The following GPC6 variants were observed in gnomAD, a reference collection of about 807,000 sequenced individuals.
GPC6 encodes glypican-6.
GPC6 carries 14 observed loss-of-function variants against 55.2 expected under a neutral mutation model. That is an observed-to-expected ratio of 0.25 (90% confidence interval 0.17 to 0.40). GPC6 has a LOEUF of 0.40. GPC6 is among the 10% of genes least tolerant of loss of function. The pLI is 1.00. For missense variants in GPC6, 641 were observed against 708.5 expected, an observed-to-expected ratio of 0.90 and a Z score of 1.08; for synonymous variants, 278 against 259.6, an observed-to-expected ratio of 1.07 and a Z score of -0.68.
intron 5 of GPC6, 74 bp downstream of exon 5, chr13:94,286,553 AG>A: frequency 7.4e-7 from 1 of 1,346,630 alleles, no homozygotes; most frequent in Non-Finnish European, 1.1e-6. Flanking sequence ...CGAAGTAACT[AG>A]ATATGTCGGC....
intron 1 of GPC6, among the ~76,000 whole-genome samples, chr13:93,320,660 C>CT (rs1248923665): frequency 5.9e-5 from 9 of 151,846 alleles, no homozygotes; most frequent in African/African-American, 1.9e-4. Flanking sequence ...CACACACACT[C>CT]TATTATGATA....
chr13:94,272,089 T>C (rs1370166077), intron 4 of GPC6, among the ~76,000 whole-genome samples: 3 of 152,080 alleles, frequency 2.0e-5, no homozygotes, highest in Non-Finnish European at 4.4e-5. Context: ...ATAAAATATA[T>C]ATATCTTTTC....
At chr13:93,999,147 A>C (rs1185038889) in intron 3 of GPC6, among the ~76,000 whole-genome samples, 1 of 152,070 alleles carries the variant, frequency 6.6e-6, no homozygotes, top group African/African-American at 2.4e-5. Context: ...CGTCACCTAC[A>C]TTAGGTATTT....
chr13:93,269,770 CAA>C (rs55928643), intron 1 of GPC6, among the ~76,000 whole-genome samples: 52,803 of 114,420 alleles, frequency 0.46, 11,401 homozygotes, highest in East Asian at 0.59. Flanking sequence ...CTAAAAATAC[CAA>C]AAAAAAAAAA....
At chr13:93,942,407 A>G (rs576899712) in intron 3 of GPC6, among the ~76,000 whole-genome samples, 1 of 152,068 alleles carries the variant, frequency 6.6e-6, no homozygotes, top group African/African-American at 2.4e-5. Context: ...GCAGACTCGA[A>G]CTCCCAGGCT....
intron 3 of GPC6, among the ~76,000 whole-genome samples, chr13:93,855,033 A>G (rs979797010): frequency 6.6e-6 from 1 of 151,604 alleles, no homozygotes; most frequent in Non-Finnish European, 1.5e-5. Flanking sequence ...TTGACACATC[A>G]TTATCAAAAA....
intron 1 of GPC6, among the ~76,000 whole-genome samples, chr13:93,529,900 G>T (rs1462906335): frequency 1.3e-5 from 2 of 152,136 alleles, no homozygotes; most frequent in Non-Finnish European, 2.9e-5. Flanking sequence ...GTGTGTTATT[G>T]AGTGGAAATT....
chr13:93,280,414 G>A (rs1348760382), intron 1 of GPC6, among the ~76,000 whole-genome samples: 1 of 152,182 alleles, frequency 6.6e-6, no homozygotes, highest in Non-Finnish European at 1.5e-5. Context: ...CTACAAAGAT[G>A]CAAACTAAGC....
intron 3 of GPC6, among the ~76,000 whole-genome samples, chr13:94,007,279 A>G (rs1474474093): frequency 6.6e-6 from 1 of 152,184 alleles, no homozygotes; most frequent in Non-Finnish European, 1.5e-5. Context: ...TTCAACACAT[A>G]TTTATTTATC....
intron 3 of GPC6, among the ~76,000 whole-genome samples, chr13:93,888,265 A>C (rs1326199186): frequency 6.6e-6 from 1 of 152,112 alleles, no homozygotes; most frequent in Admixed American, 6.6e-5. Context: ...AATTAGCGCA[A>C]ATTTATGAAG....
At chr13:94,062,489 G>A (rs1182905165) in intron 4 of GPC6, among the ~76,000 whole-genome samples, 5 of 151,888 alleles carry the variant, frequency 3.3e-5, no homozygotes, top group East Asian at 3.9e-4. Context: ...GACCTTGAGT[G>A]ATCCACCCGC....
At chr13:94,244,270 C>T (rs1229245317) in intron 4 of GPC6, among the ~76,000 whole-genome samples, 1 of 152,116 alleles carries the variant, frequency 6.6e-6, no homozygotes, top group African/African-American at 2.4e-5. Context: ...CTCCGCAAAG[C>T]TTAATTATGT....
chr13:94,165,011 A>G (rs1888305141), intron 4 of GPC6, among the ~76,000 whole-genome samples: 1 of 151,994 alleles, frequency 6.6e-6, no homozygotes, highest in South Asian at 2.1e-4. Flanking sequence ...AACTAAAAGT[A>G]GAACTACCAT....
chr13:93,340,114 C>A (rs1032106763), intron 1 of GPC6, among the ~76,000 whole-genome samples: 1 of 136,586 alleles, frequency 7.3e-6, no homozygotes, highest in African/African-American at 2.7e-5. Flanking sequence ...CGGCTCACTG[C>A]AAGCTCCGCT....
At position 94,010,218 on chromosome 13, in the gene GPC6, A is replaced by G. The variant is rs146788737; in HGVS notation, c.712-17511A>G. 2.4e-3 allele frequency among the ~76,000 whole-genome samples: 366 copies of G among 152,308 alleles called. 3 individuals are homozygous for G. The highest frequency in any genetic ancestry group is 8.3e-3 in the African/African-American group (347 of 41,576). ...AAAAGTAAATGCCAATAAAAATTAG[A>G]AAGTCCTCATAAAACTTCCTTCAAA... is the stretch of plus-strand genomic sequence containing the variant. On this transcript the variant is annotated intron_variant, in intron 3 of 8. Coordinates refer to ENST00000377047, the MANE Select transcript of GPC6 (RefSeq NM_005708.5).
intron 2 of GPC6, among the ~76,000 whole-genome samples, chr13:93,798,939 G>GAAAAA (rs1594467196): frequency 8.4e-6 from 1 of 119,536 alleles, no homozygotes; most frequent in East Asian, 2.3e-4. Context: ...AAAAAAAAAT[G>GAAAAA]GTGACAACAA....
chr13:93,340,031 T>C lies in GPC6; in HGVS notation c.160+112415T>C, dbSNP rs1347443416. ...CAAAAACAAAAGTTTTCTTTCTTTT[T>C]TTTTTTTTTTTTTTTTTTTTTTGAG... is the stretch of plus-strand genomic sequence containing the variant. On this transcript the variant is annotated intron_variant, in intron 1 of 8. Transcript: ENST00000377047. Among the ~76,000 whole-genome samples, 59 of 90,022 alleles carry C rather than the reference T, an allele frequency of 6.6e-4. No individual in the cohort carries two copies. The East Asian group carries it at 0.021, about 32-fold the overall frequency. The allele number at this position is 90,022 out of a possible 152,430, so 59.1% of individuals were successfully genotyped here.
chr13:93,485,230 G>C (rs1382781549), intron 1 of GPC6, among the ~76,000 whole-genome samples: 5 of 152,142 alleles, frequency 3.3e-5, no homozygotes, highest in Non-Finnish European at 7.4e-5. Context: ...GCACAAAGGG[G>C]AGTCCCACAG....
At chr13:93,429,628 C>T (rs548878858) in intron 1 of GPC6, among the ~76,000 whole-genome samples, 3 of 152,072 alleles carry the variant, frequency 2.0e-5, no homozygotes, top group Middle Eastern at 3.2e-3. Flanking sequence ...AGCCCCTAGG[C>T]ATTCTGAAAT....
Sources: gnomAD v4.1 joint callset for allele counts (sites outside exome capture counted in the v4.1 genomes callset) on GRCh38, gnomAD v4.1.1 for gene constraint, MANE v1.5 for transcripts, NCBI Gene and HGNC (gene_info 2026-07-23, HGNC 2026-07-21) for gene names.